NPAS3: variants seen among roughly 807,000 people sequenced by gnomAD.
NPAS3 encodes neuronal PAS domain protein 3.
In NPAS3, 14 loss-of-function variants were observed where a neutral mutation model predicts 73.1. The observed-to-expected ratio is 0.19, with a 90% confidence interval of 0.13 to 0.30. The LOEUF is 0.30. NPAS3 is among the 10% of genes least tolerant of loss of function. NPAS3 has a pLI of 1.00. For synonymous variants in NPAS3, 620 were observed against 541.5 expected, an observed-to-expected ratio of 1.14 and a Z score of -2.01; for missense variants, 1,096 against 1,250.0, an observed-to-expected ratio of 0.88 and a Z score of 1.86.
chr14:33,354,019 A>G (rs2045209936), intron 3 of NPAS3, among the ~76,000 whole-genome samples: 1 of 152,166 alleles, frequency 6.6e-6, no homozygotes, highest in South Asian at 2.1e-4. Flanking sequence ...GTCAAGTTAT[A>G]GTGAAATATT....
chr14:33,016,247 C>A (rs979851999), intron 1 of NPAS3, among the ~76,000 whole-genome samples: 5 of 152,080 alleles, frequency 3.3e-5, no homozygotes, highest in Non-Finnish European at 7.4e-5. Context: ...GATTTTTAAA[C>A]AATCCAAATA....
chr14:33,765,801 G>A (rs1311602032), intron 7 of NPAS3, among the ~76,000 whole-genome samples: 2 of 152,152 alleles, frequency 1.3e-5, no homozygotes, highest in African/African-American at 2.4e-5. Flanking sequence ...CTGCAGCTGG[G>A]TGGATGGTAT....
chr14:33,236,479 C>T (rs750300898), intron 3 of NPAS3, among the ~76,000 whole-genome samples: 22 of 152,138 alleles, frequency 1.4e-4, no homozygotes, highest in Non-Finnish European at 1.8e-4. Flanking sequence ...CTTCATGAAA[C>T]GTTTGTAATT....
intron 1 of NPAS3, among the ~76,000 whole-genome samples, chr14:33,001,984 A>G (rs1889763): frequency 0.86 from 130,309 of 152,174 alleles, 55,800 homozygotes; most frequent in Middle Eastern, 0.89. Context: ...TCTGAATTCA[A>G]AGGATGCTAA....
At chr14:33,559,887 C>T (rs1003894221) in intron 4 of NPAS3, among the ~76,000 whole-genome samples, 1 of 151,802 alleles carries the variant, frequency 6.6e-6, no homozygotes, top group African/African-American at 2.4e-5. Flanking sequence ...GGCATGGTGG[C>T]ACATGCCTGT....
At chr14:33,169,260 A>G (rs1595596406) in intron 2 of NPAS3, among the ~76,000 whole-genome samples, 1 of 152,138 alleles carries the variant, frequency 6.6e-6, no homozygotes, top group East Asian at 1.9e-4. Context: ...TTTGTGAACT[A>G]CTGTTTCAAT....
intron 2 of NPAS3, among the ~76,000 whole-genome samples, chr14:33,128,030 G>A (rs1396396014): frequency 6.6e-6 from 1 of 152,000 alleles, no homozygotes; most frequent in East Asian, 1.9e-4. Flanking sequence ...ATAGAGAAAT[G>A]GTAAAATTTT....
intron 6 of NPAS3, among the ~76,000 whole-genome samples, chr14:33,691,759 C>G (rs2060241829): frequency 6.6e-6 from 1 of 152,182 alleles, no homozygotes; most frequent in Non-Finnish European, 1.5e-5. Context: ...TCCTTGGGTT[C>G]TGTAGAATTA....
intron 2 of NPAS3, among the ~76,000 whole-genome samples, chr14:33,177,771 T>C (rs2045646565): frequency 6.6e-6 from 1 of 152,228 alleles, no homozygotes; most frequent in African/African-American, 2.4e-5. Flanking sequence ...TCTTTCTCTA[T>C]TGAGTGGACT....
chr14:33,776,856 TAA>T (rs1212971104), intron 8 of NPAS3, among the ~76,000 whole-genome samples: 1 of 152,160 alleles, frequency 6.6e-6, no homozygotes, highest in Non-Finnish European at 1.5e-5. Flanking sequence ...AGATATGTGT[TAA>T]GAGACCCTCA....
chr14:33,106,285 A>C (rs2042720277), intron 2 of NPAS3, among the ~76,000 whole-genome samples: 1 of 152,192 alleles, frequency 6.6e-6, no homozygotes, highest in Admixed American at 6.5e-5. Context: ...TCTTACCTCT[A>C]GTTTATGGAT....
intron 2 of NPAS3, among the ~76,000 whole-genome samples, chr14:33,094,964 T>G (rs1296919400): frequency 6.6e-6 from 1 of 152,256 alleles, no homozygotes; most frequent in African/African-American, 2.4e-5. Context: ...GATATGGTTC[T>G]GCAAACTTAG....
chr14:33,782,337 C>T (rs932370789), intron 9 of NPAS3, among the ~76,000 whole-genome samples: 1 of 152,132 alleles, frequency 6.6e-6, no homozygotes, highest in African/African-American at 2.4e-5. Flanking sequence ...GTCTGTGTGG[C>T]TCTTCAATTA....
intron 3 of NPAS3, among the ~76,000 whole-genome samples, chr14:33,322,531 T>A (rs893486892): frequency 6.6e-6 from 1 of 151,644 alleles, no homozygotes; most frequent in African/African-American, 2.4e-5. Context: ...TGTGTGTGTG[T>A]GTGAAGGTAA....
chr14:33,217,830 T>G (rs1208856488), intron 3 of NPAS3, among the ~76,000 whole-genome samples: 1 of 152,190 alleles, frequency 6.6e-6, no homozygotes, highest in African/African-American at 2.4e-5. Flanking sequence ...GAAACGACTT[T>G]GCAATTCAGC....
At position 33,183,889 on chromosome 14, in the gene NPAS3, A is replaced by G. The variant is rs570273261; in HGVS notation, c.141-31293A>G. 3.9e-5 allele frequency among the ~76,000 whole-genome samples: 6 copies of G among 152,266 alleles called. No homozygotes were observed. In the South Asian group the frequency reaches 6.2e-4, roughly 16 times the overall value. On this transcript the variant is annotated intron_variant, in intron 2 of 11. Coordinates refer to ENST00000356141, the Ensembl canonical transcript of NPAS3. Reference sequence around the variant, plus strand: ...GCCCCATAAATTGCCATACTGCTTAATGGCTTCTCATTTTCCTCGTGATGC... The same window carrying G: ...GCCCCATAAATTGCCATACTGCTTAGTGGCTTCTCATTTTCCTCGTGATGC...
At chr14:33,458,753 GTAAT>G (rs1177189129) in intron 4 of NPAS3, among the ~76,000 whole-genome samples, 4 of 152,242 alleles carry the variant, frequency 2.6e-5, no homozygotes, top group Admixed American at 1.3e-4. Flanking sequence ...ATAATAATCA[GTAAT>G]TAAGTAACCA....
intron 1 of NPAS3, among the ~76,000 whole-genome samples, chr14:33,042,990 T>A (rs559316019): frequency 6.6e-6 from 1 of 152,284 alleles, no homozygotes; most frequent in South Asian, 2.1e-4. Context: ...GGAAAAGTAC[T>A]TTATATTATC....
At chr14:33,728,926 T>G (rs2061336779) in intron 6 of NPAS3, among the ~76,000 whole-genome samples, 1 of 152,178 alleles carries the variant, frequency 6.6e-6, no homozygotes, top group South Asian at 2.1e-4. Flanking sequence ...TTGTTTGGTG[T>G]GTGAGAGAGT....
Sources: allele counts gnomAD v4.1 joint callset (sites outside exome capture counted in the v4.1 genomes callset), GRCh38; gene constraint gnomAD v4.1.1; transcripts MANE v1.5; gene names NCBI Gene and HGNC (gene_info 2026-07-23, HGNC 2026-07-21).